PALM: variants seen among roughly 807,000 people sequenced by gnomAD.
The protein encoded by PALM is paralemmin, also known as paralemmin-1.
Under a neutral mutation model 30.7 loss-of-function variants are expected in PALM, and 18 were observed. The observed-to-expected ratio is 0.59, with a 90% confidence interval of 0.41 to 0.87. The LOEUF (loss-of-function observed/expected upper bound fraction) is 0.87, where lower values mean the gene tolerates loss of function less well. Among genes scored for constraint, PALM ranks in the 40% least tolerant of loss-of-function variants. The pLI, the probability that PALM is intolerant of heterozygous loss-of-function variation, is 0.00. For missense variants in PALM, 529 were observed against 555.4 expected, an observed-to-expected ratio of 0.95 and a Z score of 0.48; for synonymous variants, 286 against 242.8, an observed-to-expected ratio of 1.18 and a Z score of -1.66.
chr19:744,848 TG>T (rs2033291372), intron 8 of PALM, among the ~76,000 whole-genome samples: 1 of 129,678 alleles, frequency 7.7e-6, no homozygotes, highest in South Asian at 2.5e-4. Flanking sequence ...GAGCTGAGAC[TG>T]CGCCACTGCA....
chr19:738,220 G>A (rs557497077), intron 7 of PALM, among the ~76,000 whole-genome samples: 2 of 152,088 alleles, frequency 1.3e-5, no homozygotes, highest in Non-Finnish European at 2.9e-5. Context: ...GTGAAACCCC[G>A]TCTCTACTAA....
intron 5 of PALM, among the ~76,000 whole-genome samples, chr19:732,251 C>T (rs2032899065): frequency 6.6e-6 from 1 of 152,206 alleles, no homozygotes. Flanking sequence ...CCTGAAAGCC[C>T]TTCCTGTGGG....
intron 3 of PALM, 139 bp downstream of exon 3, chr19:727,227 AC>A: frequency 1.8e-6 from 1 of 557,394 alleles, no homozygotes; most frequent in Non-Finnish European, 3.1e-6. Flanking sequence ...CCTGACCCCG[AC>A]CCTGACCCCG....
chr19:720,325 GA>G (rs2032425122), intron 1 of PALM, among the ~76,000 whole-genome samples: 2 of 142,204 alleles, frequency 1.4e-5, no homozygotes. Context: ...GGGGAGGGGC[GA>G]GGGGGGCGCA....
At chr19:724,622 T>A (rs4919821) in intron 1 of PALM, among the ~76,000 whole-genome samples, 72,838 of 150,736 alleles carry the variant, frequency 0.48, 18,722 homozygotes, top group African/African-American at 0.68. Context: ...CGCCCGGCCA[T>A]TCATTCATTT....
At chr19:721,198 C>T (rs1416246971) in intron 1 of PALM, among the ~76,000 whole-genome samples, 1 of 152,164 alleles carries the variant, frequency 6.6e-6, no homozygotes, top group East Asian at 1.9e-4. Context: ...CTGAGGGTTC[C>T]TCTAAGGGCT....
At chr19:713,004 C>T (rs558352969) in intron 1 of PALM, among the ~76,000 whole-genome samples, 5 of 152,238 alleles carry the variant, frequency 3.3e-5, no homozygotes, top group South Asian at 4.1e-4. Context: ...AGAAGCCCTG[C>T]GAGAGAGGGA....
intron 1 of PALM, among the ~76,000 whole-genome samples, chr19:714,358 C>CTTT (rs34617281): frequency 1.9e-5 from 2 of 104,584 alleles, no homozygotes; most frequent in Non-Finnish European, 3.9e-5. Flanking sequence ...TTTTTTCTTT[C>CTTT]TTTTTTTTTT....
intron 1 of PALM, among the ~76,000 whole-genome samples, chr19:716,724 T>C (rs2032273003): frequency 1.3e-5 from 2 of 152,146 alleles, no homozygotes; most frequent in South Asian, 4.1e-4. Flanking sequence ...CCATGGGGGT[T>C]GGGAAGGACC....
Position 727,003 on chromosome 19 carries a change from C to CCCCCCCCCAA in PALM, c.58-5_58-4insCCCCCCCCAA. ...ATCCCTGACCCCACCCGGCCCTCCCCACAGGAGAAGCGGAAGCGGCAGGCG... is the reference window on the plus strand; with the variant it reads ...ATCCCTGACCCCACCCGGCCCTCCCCCCCCCCCCAAACAGGAGAAGCGGAAGCGGCAGGCG... On this transcript the variant is annotated splice_polypyrimidine_tract_variant and splice_region_variant and intron_variant, in intron 2 of 8. Transcript: ENST00000338448. 1 of 1,524,298 alleles carries CCCCCCCCCAA rather than the reference C, an allele frequency of 6.6e-7. No homozygotes were observed. Among genetic ancestry groups the CCCCCCCCCAA allele is most frequent in the Non-Finnish European group, 8.9e-7 (1 of 1,124,960 alleles). 94.4% of individuals were successfully genotyped at this position (1,524,298 alleles called of 1,614,324 possible).
intron 1 of PALM, among the ~76,000 whole-genome samples, chr19:718,794 G>C (rs2238556): frequency 0.11 from 16,692 of 151,970 alleles, 1,225 homozygotes; most frequent in East Asian, 0.32. Flanking sequence ...CGGTGGAGAA[G>C]GGAAAGGGGA....
chr19:743,394 C>G (rs986805590), intron 8 of PALM, among the ~76,000 whole-genome samples: 7 of 152,286 alleles, frequency 4.6e-5, no homozygotes, highest in Admixed American at 4.6e-4. Flanking sequence ...GCAGGTGATC[C>G]GTTTCCATGG....
intron 5 of PALM, among the ~76,000 whole-genome samples, chr19:731,644 C>CACCTG (rs1599155820): frequency 4.6e-5 from 7 of 151,950 alleles, no homozygotes; most frequent in Admixed American, 6.6e-5. Context: ...GCAGGAGACC[C>CACCTG]GGTGCTGGTG....
At chr19:724,398 G>A (rs1458183538) in intron 1 of PALM, among the ~76,000 whole-genome samples, 2 of 149,836 alleles carry the variant, frequency 1.3e-5, no homozygotes, top group Non-Finnish European at 3.0e-5. Context: ...CTCGGCTCAT[G>A]CAACCTCTGC....
rs2033364746 is a variant in PALM, at chr19:746,876, C to G, written c.*62C>G. The G allele has an allele frequency of 2.1e-6, 2 of 968,918 alleles. No individual in the cohort carries two copies. Among genetic ancestry groups the G allele is most frequent in the South Asian group, 3.3e-5 (2 of 60,530 alleles). 60.0% of individuals were successfully genotyped at this position (968,918 alleles called of 1,614,324 possible). ...CAGACACCCACCAGCCCGGCCCCTC[C>G]CGGCGCCTGCCCACCCTCCACCCAC... On this transcript the variant is annotated 3_prime_UTR_variant, in exon 9 of 9. Coordinates refer to ENST00000338448, the MANE Select transcript of PALM (RefSeq NM_002579.3). The surrounding 1 kb of genome is among the most constrained non-coding windows in gnomAD (Gnocchi z 7.1).
chr19:741,696 C>G (rs957031708), intron 8 of PALM, among the ~76,000 whole-genome samples: 3 of 151,868 alleles, frequency 2.0e-5, no homozygotes, highest in Admixed American at 6.6e-5. Flanking sequence ...GCCTTGGGTG[C>G]GTTGGGTCCT....
chr19:727,126 G>A (rs371888816), intron 3 of PALM, 38 bp downstream of exon 3: 6 of 1,402,972 alleles, frequency 4.3e-6, no homozygotes, highest in Non-Finnish European at 5.9e-6. Flanking sequence ...AGGGAGTGCA[G>A]GCGGCTGTGA....
intron 5 of PALM, among the ~76,000 whole-genome samples, chr19:732,761 G>A (rs929585360): frequency 2.6e-5 from 4 of 151,930 alleles, no homozygotes; most frequent in Non-Finnish European, 5.9e-5. Flanking sequence ...GGAAGATGGC[G>A]TGTATTGGGG....
chr19:710,761 T>TC (rs1244334667), intron 1 of PALM, among the ~76,000 whole-genome samples: 3 of 150,368 alleles, frequency 2.0e-5, no homozygotes, highest in Non-Finnish European at 4.4e-5. Flanking sequence ...GGCCCACAGG[T>TC]CCCCCATTGG....
Sources: allele counts gnomAD v4.1 joint callset (sites outside exome capture counted in the v4.1 genomes callset), GRCh38; gene constraint gnomAD v4.1.1; non-coding constraint Gnocchi (gnomAD v3.1); transcripts MANE v1.5; gene names NCBI Gene and HGNC (gene_info 2026-07-23, HGNC 2026-07-21).